Variants in DMD observed in about 807,000 individuals in gnomAD.
DMD encodes the protein dystrophin.
In DMD, 63 loss-of-function variants were observed where a neutral mutation model predicts 330.1. The observed-to-expected ratio is 0.19, with a 90% CI of 0.16 to 0.24. The LOEUF is 0.24. DMD is among the 10% of genes least tolerant of loss of function. The pLI, the probability that DMD is intolerant of heterozygous loss-of-function variation, is 1.00. For synonymous variants in DMD, 1,223 were observed against 959.8 expected, an observed-to-expected ratio of 1.27 and a Z score of -5.07; for missense variants, 3,344 against 2,684.1, an observed-to-expected ratio of 1.25 and a Z score of -5.43.
intron 55 of DMD, among the ~76,000 whole-genome samples, chrX:31,527,115 C>CA (rs1001203886): frequency 2.7e-5 from 3 of 109,254 alleles, no homozygotes; most frequent in African/African-American, 1.0e-4. Context: ...ACCCTGTCTC[C>CA]AAAAAAAAGG....
At chrX:31,430,991 C>T (rs1003910595) in intron 60 of DMD, among the ~76,000 whole-genome samples, 4 of 107,562 alleles carry the variant, frequency 3.7e-5, no homozygotes, top group Non-Finnish European at 5.8e-5. Flanking sequence ...TCAGTAGAGA[C>T]AGGATTTCAC....
chrX:31,671,147 C>T (rs747250743), intron 53 of DMD, among the ~76,000 whole-genome samples: 2 of 111,857 alleles, frequency 1.8e-5, no homozygotes, highest in East Asian at 2.8e-4. Flanking sequence ...CTCCTGACCT[C>T]GTGATCCAAC....
chrX:32,742,085 G>C (rs930161859), intron 7 of DMD, among the ~76,000 whole-genome samples: 17 of 111,296 alleles, frequency 1.5e-4, no homozygotes, highest in Non-Finnish European at 5.7e-5. Flanking sequence ...CCTTGACTAT[G>C]GTGCCGTACA....
Position 32,075,284 on chromosome X carries a change from T to G in DMD, c.6439-106770A>C, listed in dbSNP as rs749076845. On this transcript the variant is annotated intron_variant, in intron 44 of 78. Transcript: ENST00000357033. ...TGGCTGTAAAAATAATTTATCCATA[T>G]GTAGGATTTTTTTCAGTTGGAGAAA... Among the ~76,000 whole-genome samples the G allele has an allele frequency of 2.7e-5, 3 of 112,113 alleles. No individual in the cohort carries two copies. In the Admixed American group the frequency reaches 2.8e-4, roughly 11 times the overall value.
At chrX:32,632,891 T>C (rs1271771362) in intron 11 of DMD, among the ~76,000 whole-genome samples, 1 of 112,491 alleles carries the variant, frequency 8.9e-6, no homozygotes, top group Non-Finnish European at 1.9e-5. Context: ...CAGGCCTTTT[T>C]CCCCATTGTC....
rs1173409095 is a variant in DMD, at chrX:31,749,307, C to A, written c.7543-19559G>T. On this transcript the variant is annotated intron_variant, in intron 51 of 78. Transcript: ENST00000357033. ...ATCCCTCCCCCCTCCCCCCACCCCA[C>A]AACAGTCCCCAGAGTGTGATGTTCC... 3.0e-3 allele frequency among the ~76,000 whole-genome samples: 231 copies of A among 76,449 alleles called. 2 individuals are homozygous for A. The highest frequency in any genetic ancestry group is 8.5e-3 in the Middle Eastern group (1 of 118). 66.4% of individuals were successfully genotyped at this position (76,449 alleles called of 115,157 possible). A position where few individuals can be genotyped will look rare whatever the true frequency, so the allele number is the denominator to read the frequency against.
chrX:32,855,771 GCAATACCCTAC>G (rs967754990), intron 2 of DMD, among the ~76,000 whole-genome samples: 3 of 111,523 alleles, frequency 2.7e-5, no homozygotes, highest in African/African-American at 9.8e-5. Context: ...TATTTCTTGA[GCAATACCCTAC>G]CAAGCACAAG....
intron 60 of DMD, among the ~76,000 whole-genome samples, chrX:31,376,247 C>T (rs747941765): frequency 1.1e-4 from 12 of 112,317 alleles, no homozygotes; most frequent in African/African-American, 3.6e-4. Flanking sequence ...GCACATCAAA[C>T]TGCATCATGA....
chrX:32,260,641 A>T (rs2097318207), intron 43 of DMD, among the ~76,000 whole-genome samples: 2 of 111,829 alleles, frequency 1.8e-5, no homozygotes, highest in African/African-American at 6.5e-5. Flanking sequence ...GACAGCATCC[A>T]AAAAGTAACT....
intron 44 of DMD, among the ~76,000 whole-genome samples, chrX:31,975,645 A>G (rs1244604116): frequency 8.9e-6 from 1 of 112,063 alleles, no homozygotes; most frequent in Non-Finnish European, 1.9e-5. Flanking sequence ...TAAATGTTTC[A>G]TCGTGGAACA....
intron 73 of DMD, 125 bp from the exon 74 acceptor site, chrX:31,169,726 T>C: frequency 6.2e-6 from 4 of 640,406 alleles, no homozygotes; most frequent in Non-Finnish European, 7.4e-6. Flanking sequence ...TAGACCTTTT[T>C]TCCTGCTTCT....
At chrX:32,758,585 G>C (rs1199892307) in intron 7 of DMD, among the ~76,000 whole-genome samples, 1 of 111,442 alleles carries the variant, frequency 9.0e-6, no homozygotes, top group Admixed American at 9.6e-5. Context: ...TTGAGTTCCT[G>C]TAATTATGTA....
intron 7 of DMD, among the ~76,000 whole-genome samples, chrX:32,780,881 G>A (rs184834672): frequency 1.8e-5 from 2 of 108,724 alleles, no homozygotes; most frequent in South Asian, 4.0e-4. Context: ...CACGAGGTCA[G>A]GAGATCGAGA....
At chrX:32,519,087 G>A (rs2046164478) in intron 17 of DMD, among the ~76,000 whole-genome samples, 1 of 84,295 alleles carries the variant, frequency 1.2e-5, no homozygotes, top group Admixed American at 1.8e-4. Flanking sequence ...TTTAGGTATA[G>A]AAGAGCCAAA....
chrX:32,654,440 G>C (rs1210737045), intron 9 of DMD, among the ~76,000 whole-genome samples: 1 of 111,724 alleles, frequency 9.0e-6, no homozygotes, highest in Non-Finnish European at 1.9e-5. Context: ...CTGTTTATAT[G>C]CTGCATTATA....
chrX:31,602,345 C>A (rs1437296849), intron 55 of DMD, among the ~76,000 whole-genome samples: 1 of 106,563 alleles, frequency 9.4e-6, no homozygotes, highest in Non-Finnish European at 1.9e-5. Context: ...TTTTAAACAC[C>A]TTGAAAGCTT....
At chrX:31,995,755 A>G (rs1928507749) in intron 44 of DMD, among the ~76,000 whole-genome samples, 1 of 112,010 alleles carries the variant, frequency 8.9e-6, no homozygotes, top group Non-Finnish European at 1.9e-5. Flanking sequence ...ACACAATTCC[A>G]TATTTTCATA....
chrX:31,467,589 G>A (rs914987509), intron 59 of DMD, among the ~76,000 whole-genome samples: 2 of 111,551 alleles, frequency 1.8e-5, no homozygotes, highest in African/African-American at 6.5e-5. Flanking sequence ...GAGGATTTTC[G>A]CATTGATGTT....
chrX:32,725,146 A>T (rs757299394), intron 7 of DMD, among the ~76,000 whole-genome samples: 1 of 111,342 alleles, frequency 9.0e-6, no homozygotes, highest in South Asian at 3.7e-4. Context: ...CTGCAATAAC[A>T]GTTAAAATAA....
Sources: gnomAD v4.1 joint callset for allele counts (sites outside exome capture counted in the v4.1 genomes callset) on GRCh38, gnomAD v4.1.1 for gene constraint, MANE v1.5 for transcripts, NCBI Gene and HGNC (gene_info 2026-07-23, HGNC 2026-07-21) for gene names.